The following FARS2 variants were observed in gnomAD, a reference collection of about 807,000 sequenced individuals.
FARS2 encodes phenylalanyl-tRNA synthetase 2, mitochondrial.
Under a neutral mutation model 46.4 loss-of-function variants are expected in FARS2, and 40 were observed. That is an observed-to-expected ratio of 0.86 (90% CI 0.67 to 1.12). FARS2 has a LOEUF of 1.12. FARS2 is among the 50% of genes most tolerant of loss of function. FARS2 has a pLI of 0.00. For missense variants in FARS2, 513 were observed against 567.9 expected (o/e 0.90, Z 0.98); for synonymous variants, 234 against 214.9 (o/e 1.09, Z -0.78).
At chr6:5,538,520 T>C (rs1185055941) in intron 4 of FARS2, among the ~76,000 whole-genome samples, 1 of 152,156 alleles carries the variant, frequency 6.6e-6, no homozygotes, top group African/African-American at 2.4e-5. Flanking sequence ...TTTGACCGAT[T>C]ATGTAGCACA....
intron 3 of FARS2, among the ~76,000 whole-genome samples, chr6:5,405,480 C>CTTTTTTTTTTTTTTTTTTTTTTTTT (rs398000284): frequency 5.1e-5 from 3 of 58,954 alleles, no homozygotes; most frequent in Admixed American, 2.5e-4. Flanking sequence ...GAGCAAGGTT[C>CTTTTTTTTTTTTTTTTTTTTTTTTT]TTTTTTTTTT....
chr6:5,740,408 A>G (rs1337358097), intron 6 of FARS2, among the ~76,000 whole-genome samples: 1 of 152,166 alleles, frequency 6.6e-6, no homozygotes, highest in African/African-American at 2.4e-5. Context: ...ATTTTTACCA[A>G]TGAGGTAAGT....
intron 6 of FARS2, among the ~76,000 whole-genome samples, chr6:5,681,145 G>A (rs911223566): frequency 2.0e-5 from 3 of 152,200 alleles, no homozygotes; most frequent in African/African-American, 7.2e-5. Context: ...AGATTTATCT[G>A]AGAAAGGTTC....
intron 3 of FARS2, among the ~76,000 whole-genome samples, chr6:5,411,134 C>T (rs955359284): frequency 2.0e-5 from 3 of 152,180 alleles, no homozygotes; most frequent in African/African-American, 7.2e-5. Context: ...AAAATCAGGG[C>T]CAGGCCCAAT....
intron 6 of FARS2, among the ~76,000 whole-genome samples, chr6:5,718,429 G>T (rs1414696945): frequency 1.3e-5 from 2 of 152,050 alleles, no homozygotes. Context: ...TACCCTTTTT[G>T]AAGATTTCCT....
At chr6:5,605,886 A>G (rs1774804911) in intron 5 of FARS2, among the ~76,000 whole-genome samples, 1 of 152,248 alleles carries the variant, frequency 6.6e-6, no homozygotes, top group Admixed American at 6.5e-5. Flanking sequence ...TTAGAATCTC[A>G]GAAATGAGTG....
chr6:5,717,931 T>TAGAGAGAGAG (rs1175182131), intron 6 of FARS2, among the ~76,000 whole-genome samples: 4 of 118,514 alleles, frequency 3.4e-5, no homozygotes, highest in Admixed American at 7.7e-5. Flanking sequence ...TATATATATA[T>TAGAGAGAGAG]ATATACAGAG....
chr6:5,691,368 G>A (rs1213859509), intron 6 of FARS2, among the ~76,000 whole-genome samples: 1 of 152,126 alleles, frequency 6.6e-6, no homozygotes, highest in Non-Finnish European at 1.5e-5. Flanking sequence ...TGGGGTTTTG[G>A]TGTGGATGTC....
At chr6:5,466,429 A>C (rs1765518301) in intron 4 of FARS2, 1 of 705,316 alleles carries the variant, frequency 1.4e-6, no homozygotes, top group South Asian at 6.3e-5. Context: ...CCTTAAAGGC[A>C]AGAGCCATGT....
chr6:5,459,718 A>G (rs1765128043), intron 4 of FARS2, among the ~76,000 whole-genome samples: 1 of 152,172 alleles, frequency 6.6e-6, no homozygotes, highest in Non-Finnish European at 1.5e-5. Context: ...AAGGAGTCAA[A>G]TCATTCTGCA....
At chr6:5,546,325 A>G (rs893922844) in intron 5 of FARS2, among the ~76,000 whole-genome samples, 6 of 143,334 alleles carry the variant, frequency 4.2e-5, no homozygotes, top group African/African-American at 1.6e-4. Context: ...ATCTTGGCTC[A>G]CTGCAACCTG....
chr6:5,644,595 G>A (rs1776985209), intron 6 of FARS2, among the ~76,000 whole-genome samples: 1 of 152,050 alleles, frequency 6.6e-6, no homozygotes, highest in Admixed American at 6.6e-5. Flanking sequence ...AACATACTCA[G>A]CATCTTTAGC....
intron 1 of FARS2, among the ~76,000 whole-genome samples, chr6:5,265,587 T>C (rs1049382511): frequency 6.6e-6 from 1 of 152,234 alleles, no homozygotes; most frequent in Non-Finnish European, 1.5e-5. Flanking sequence ...TATTTACCTG[T>C]GCATTCAAGA....
At chr6:5,402,207 T>G (rs1761297392) in intron 2 of FARS2, among the ~76,000 whole-genome samples, 1 of 151,870 alleles carries the variant, frequency 6.6e-6, no homozygotes, top group African/African-American at 2.4e-5. Context: ...ATTTTGTTTC[T>G]GAGATGATTT....
chr6:5,278,913 GC>G (rs1204407929), intron 1 of FARS2, among the ~76,000 whole-genome samples: 1 of 152,198 alleles, frequency 6.6e-6, no homozygotes, highest in Non-Finnish European at 1.5e-5. Flanking sequence ...TCCTCAGGAG[GC>G]CTTGAGTGCA....
chr6:5,300,189 T>C (rs1159200655), intron 1 of FARS2, among the ~76,000 whole-genome samples: 1 of 152,194 alleles, frequency 6.6e-6, no homozygotes, highest in Admixed American at 6.5e-5. Flanking sequence ...CAGAAAATGA[T>C]TGGATTACTC....
At position 5,505,935 on chromosome 6, in the gene FARS2, G is replaced by A. The variant is rs150871570; in HGVS notation, c.905-39245G>A. ...AATTTAAGTTTACTTGCTGTTGGCA[G>A]CCAGAAGAGTCTTTTCTTTTCCACC... On this transcript the variant is annotated intron_variant, in intron 4 of 6. Coordinates refer to ENST00000274680, the MANE Select transcript of FARS2 (RefSeq NM_006567.5). Among the ~76,000 whole-genome samples the A allele has an allele frequency of 9.8e-4, 150 of 152,318 alleles. 2 individuals carry two copies. The highest frequency in any genetic ancestry group is 3.4e-3 in the African/African-American group (142 of 41,556).
At position 5,663,880 on chromosome 6, in the gene FARS2, G is replaced by A. The variant is rs141932428; in HGVS notation, c.1217+50560G>A. Among the ~76,000 whole-genome samples, 262 of 152,316 alleles carry A rather than the reference G, an allele frequency of 1.7e-3. 1 individual carries two copies. The highest frequency in any genetic ancestry group is 3.4e-3 in the Middle Eastern group (1 of 294). On this transcript the variant is annotated intron_variant, in intron 6 of 6. Coordinates refer to ENST00000274680, the MANE Select transcript of FARS2 (RefSeq NM_006567.5). ...GGGAAGATGTACTCAGCACTACTGT[G>A]CGCACCTGGGCTGCACTGGTGTCTT...
intron 2 of FARS2, among the ~76,000 whole-genome samples, chr6:5,387,813 G>A (rs1760232605): frequency 6.6e-6 from 1 of 152,178 alleles, no homozygotes; most frequent in Non-Finnish European, 1.5e-5. Context: ...AGACTGAAGT[G>A]TTGTTCCTGG....
Sources: gnomAD v4.1 joint callset for allele counts (sites outside exome capture counted in the v4.1 genomes callset) on GRCh38, gnomAD v4.1.1 for gene constraint, MANE v1.5 for transcripts, NCBI Gene and HGNC (gene_info 2026-07-23, HGNC 2026-07-21) for gene names.